The following NDST4 variants were observed in gnomAD, a reference collection of about 807,000 sequenced individuals.
NDST4 encodes the protein N-deacetylase and N-sulfotransferase 4.
NDST4 carries 63 observed loss-of-function variants against 100.8 expected under a neutral mutation model. That is an observed-to-expected ratio of 0.62 (90% confidence interval 0.51 to 0.77). NDST4 has a LOEUF of 0.77. Among genes scored for constraint, NDST4 ranks in the 30% least tolerant of loss-of-function variants. The pLI, the probability that NDST4 is intolerant of heterozygous loss-of-function variation, is 0.00. For synonymous variants in NDST4, 377 were observed against 361.8 expected (o/e 1.04, Z -0.48); for missense variants, 943 against 1,018.4 (o/e 0.93, Z 1.01).
intron 6 of NDST4, among the ~76,000 whole-genome samples, chr4:114,884,012 A>G (rs375616683): frequency 3.3e-5 from 5 of 152,168 alleles, no homozygotes; most frequent in African/African-American, 1.2e-4. Flanking sequence ...AAAGACTCAT[A>G]TGAAATAGAA....
intron 2 of NDST4, among the ~76,000 whole-genome samples, chr4:115,025,440 G>T (rs1213518823): frequency 6.6e-6 from 1 of 152,090 alleles, no homozygotes; most frequent in African/African-American, 2.4e-5. Context: ...TTAATAATTT[G>T]CTTATGAACA....
chr4:114,948,130 A>AT (rs949111860), intron 4 of NDST4, among the ~76,000 whole-genome samples: 5 of 152,186 alleles, frequency 3.3e-5, no homozygotes, highest in East Asian at 1.9e-4. Context: ...TTAGCAATGG[A>AT]TTTTTTTAAA....
intron 2 of NDST4, among the ~76,000 whole-genome samples, chr4:115,025,276 T>C (rs1727958911): frequency 6.6e-6 from 1 of 152,122 alleles, no homozygotes; most frequent in Admixed American, 6.6e-5. Flanking sequence ...CCTGACTACT[T>C]GCATCCATGA....
chr4:114,989,470 GAAAC>G (rs1343614175), intron 2 of NDST4, among the ~76,000 whole-genome samples: 2 of 152,178 alleles, frequency 1.3e-5, no homozygotes, highest in Admixed American at 1.3e-4. Context: ...AGTTTTGAAT[GAAAC>G]AAACAGTCCT....
At position 114,977,206 on chromosome 4, in the gene NDST4, T is replaced by C; in HGVS notation, c.1047A>G (p.Ser349=). ...TCTTACCTGTGTGGTAAAACTTCCCTGAAAATCCAAGGTTGAAGGTAAAAT... is the reference window on the plus strand; with the variant it reads ...TCTTACCTGTGTGGTAAAACTTCCCCGAAAATCCAAGGTTGAAGGTAAAAT... ...VANFTFNLGF[S]GKFYHTGTEE... The change falls in exon 3 of 14, where the codon TCA becomes TCG. Residue 349 remains serine (S), a synonymous_variant. Transcript: ENST00000264363. 1 of 1,609,142 alleles carries C rather than the reference T, an allele frequency of 6.2e-7. No individual in the cohort carries two copies. Among genetic ancestry groups the C allele is most frequent in the Non-Finnish European group, 8.5e-7 (1 of 1,176,824 alleles).
intron 11 of NDST4, among the ~76,000 whole-genome samples, chr4:114,838,624 C>T (rs1723354191): frequency 1.3e-5 from 2 of 152,138 alleles, no homozygotes; most frequent in East Asian, 1.9e-4. Context: ...ACAATGAGAA[C>T]ATATAGGCAC....
chr4:114,962,701 C>T (rs898656082), intron 4 of NDST4, among the ~76,000 whole-genome samples: 7 of 152,018 alleles, frequency 4.6e-5, no homozygotes, highest in African/African-American at 1.7e-4. Flanking sequence ...GTTCATGTAT[C>T]AGAAGACTTA....
chr4:114,899,896 AT>A (rs775855994), intron 6 of NDST4, among the ~76,000 whole-genome samples: 1 of 152,132 alleles, frequency 6.6e-6, no homozygotes, highest in Non-Finnish European at 1.5e-5. Context: ...TCTAAAAGGG[AT>A]TGTAGAGAAT....
intron 2 of NDST4, among the ~76,000 whole-genome samples, chr4:115,021,112 C>T (rs1057137341): frequency 6.6e-6 from 1 of 152,002 alleles, no homozygotes; most frequent in African/African-American, 2.4e-5. Flanking sequence ...ATTGCATACA[C>T]ATGTTTATAG....
chr4:114,872,698 C>A (rs141026902), intron 6 of NDST4, among the ~76,000 whole-genome samples: 1 of 151,956 alleles, frequency 6.6e-6, no homozygotes, highest in African/African-American at 2.4e-5. Context: ...ATAATTAAAT[C>A]CTCTCAATGC....
At chr4:114,997,961 A>G (rs1316666248) in intron 2 of NDST4, among the ~76,000 whole-genome samples, 1 of 152,114 alleles carries the variant, frequency 6.6e-6, no homozygotes, top group Non-Finnish European at 1.5e-5. Flanking sequence ...GTTGAAAATT[A>G]TATGTAGTCT....
At chr4:114,871,899 T>G (rs940644504) in intron 6 of NDST4, among the ~76,000 whole-genome samples, 1 of 152,026 alleles carries the variant, frequency 6.6e-6, no homozygotes, top group Non-Finnish European at 1.5e-5. Flanking sequence ...ATTTATTAAC[T>G]TTATTAGAAA....
At chr4:114,961,610 G>C (rs918440223) in intron 4 of NDST4, among the ~76,000 whole-genome samples, 5 of 151,904 alleles carry the variant, frequency 3.3e-5, no homozygotes, top group African/African-American at 1.2e-4. Flanking sequence ...TAAATGTCTA[G>C]ACACACACAA....
intron 6 of NDST4, among the ~76,000 whole-genome samples, chr4:114,915,972 A>G (rs1362837093): frequency 6.6e-6 from 1 of 152,186 alleles, no homozygotes; most frequent in African/African-American, 2.4e-5. Flanking sequence ...TCAGTTTGAA[A>G]AGAAGAATTT....
At chr4:115,097,894 T>C (rs1729652641) in intron 1 of NDST4, among the ~76,000 whole-genome samples, 1 of 152,202 alleles carries the variant, frequency 6.6e-6, no homozygotes, top group Non-Finnish European at 1.5e-5. Context: ...TCTGGACTTC[T>C]TGTTTCTTCT....
intron 6 of NDST4, among the ~76,000 whole-genome samples, chr4:114,877,915 G>A (rs1380559330): frequency 6.7e-6 from 1 of 150,010 alleles, no homozygotes; most frequent in African/African-American, 2.5e-5. Flanking sequence ...TCATGCCACT[G>A]CATTACAGCC....
intron 6 of NDST4, among the ~76,000 whole-genome samples, chr4:114,927,162 AT>A (rs1355527277): frequency 6.6e-6 from 1 of 151,820 alleles, no homozygotes; most frequent in Admixed American, 6.6e-5. Context: ...CGATCTTATA[AT>A]TATAGATTAG....
intron 12 of NDST4, among the ~76,000 whole-genome samples, chr4:114,830,650 G>A (rs1285721166): frequency 1.3e-5 from 2 of 152,128 alleles, no homozygotes. Context: ...TAACAGGAGA[G>A]GAAAAACGGA....
At chr4:114,996,316 C>T (rs2126253878) in intron 2 of NDST4, among the ~76,000 whole-genome samples, 1 of 152,148 alleles carries the variant, frequency 6.6e-6, no homozygotes, top group African/African-American at 2.4e-5. Flanking sequence ...GTGCCTTCCA[C>T]CACGACTGTA....
Sources: allele counts gnomAD v4.1 joint callset (sites outside exome capture counted in the v4.1 genomes callset), GRCh38; gene constraint gnomAD v4.1.1; transcripts MANE v1.5; gene names NCBI Gene and HGNC (gene_info 2026-07-23, HGNC 2026-07-21).